RAPGEF4: variants seen among roughly 807,000 people sequenced by gnomAD.
The protein encoded by RAPGEF4 is RAP guanine-nucleotide-exchange factor (GEF) 4.
A neutral mutation model predicts 147.9 loss-of-function variants in RAPGEF4; 66 were observed. The observed-to-expected ratio is 0.45, with a 90% confidence interval of 0.37 to 0.55. RAPGEF4 has a LOEUF of 0.55. RAPGEF4 is among the 20% of genes least tolerant of loss of function. The probability of loss-of-function intolerance (pLI) is 0.00; values close to 1 mark genes in which losing one functional copy is unlikely to be tolerated. For synonymous variants in RAPGEF4, 419 were observed against 442.7 expected (o/e 0.95, Z 0.67); for missense variants, 1,071 against 1,257.3 (o/e 0.85, Z 2.24).
At position 172,797,552 on chromosome 2, in the gene RAPGEF4, A is replaced by G; in HGVS notation, c.236A>G (p.Asn79Ser). 1.2e-6 allele frequency: 2 copies of G among 1,613,744 alleles called. No individual in the cohort carries two copies. The highest frequency in any genetic ancestry group is 1.1e-5 in the South Asian group (1 of 90,922). ...TTTCGCCAGGGTGATATTGGAACAA[A>G]CTGGTATGCTGTCCTGGCAGGGTCT... ...TLFRQGDIGTNWYAVLAGSLD... is the reference protein window; with the variant it reads ...TLFRQGDIGTSWYAVLAGSLD... The change falls in exon 3 of 31, where the codon AAC becomes AGC. Residue 79 changes from asparagine (N) to serine (S), a missense_variant. Asn to Ser is a conservative substitution (Grantham distance 46). Coordinates refer to ENST00000397081, the MANE Select transcript of RAPGEF4 (RefSeq NM_007023.4).
intron 23 of RAPGEF4, among the ~76,000 whole-genome samples, chr2:173,022,775 T>C (rs926487543): frequency 2.6e-5 from 4 of 152,236 alleles, no homozygotes; most frequent in Non-Finnish European, 5.9e-5. Flanking sequence ...TGGTCTATAA[T>C]AGAATCAGTA....
At chr2:172,836,771 A>G (rs1394187473) in intron 4 of RAPGEF4, among the ~76,000 whole-genome samples, 1 of 152,232 alleles carries the variant, frequency 6.6e-6, no homozygotes, top group African/African-American at 2.4e-5. Context: ...AGCATCCTCA[A>G]CACTAGTCAT....
At chr2:172,906,259 T>C (rs1464257332) in intron 4 of RAPGEF4, among the ~76,000 whole-genome samples, 3 of 152,184 alleles carry the variant, frequency 2.0e-5, no homozygotes, top group African/African-American at 7.2e-5. Context: ...AGCTTTAGTA[T>C]ATTGGGAGAA....
intron 19 of RAPGEF4, 129 bp downstream of exon 19, chr2:173,016,566 G>T (rs1695528657): frequency 2.8e-6 from 2 of 716,162 alleles, no homozygotes; most frequent in Non-Finnish European, 4.8e-6. Context: ...AAGCAGACTG[G>T]GCTGAGGGCA....
chr2:172,864,656 C>A (rs1345542427), intron 4 of RAPGEF4, among the ~76,000 whole-genome samples: 1 of 152,234 alleles, frequency 6.6e-6, no homozygotes, highest in African/African-American at 2.4e-5. Context: ...GTAATCCCTG[C>A]ACTTTGGGAG....
intron 4 of RAPGEF4, among the ~76,000 whole-genome samples, chr2:172,872,536 T>C (rs1427527923): frequency 6.6e-6 from 1 of 152,124 alleles, no homozygotes; most frequent in Admixed American, 6.6e-5. Flanking sequence ...CCCTACTTGT[T>C]GGGGGAAGGG....
At chr2:172,960,714 G>C in intron 6 of RAPGEF4, 46 bp from the exon 7 acceptor site, 3 of 1,437,520 alleles carry the variant, frequency 2.1e-6, no homozygotes, top group Non-Finnish European at 1.9e-6. Flanking sequence ...TTTCTTCAGT[G>C]AACTTTTTGT....
intron 6 of RAPGEF4, among the ~76,000 whole-genome samples, chr2:172,955,737 C>T (rs1233948792): frequency 6.6e-6 from 1 of 152,198 alleles, no homozygotes; most frequent in East Asian, 1.9e-4. Context: ...GCAGCCCCTA[C>T]TCTGTGCCGT....
chr2:172,836,923 G>A (rs1279242360), intron 4 of RAPGEF4, among the ~76,000 whole-genome samples: 1 of 152,230 alleles, frequency 6.6e-6, no homozygotes, highest in Non-Finnish European at 1.5e-5. Context: ...TATTCAGAGT[G>A]AGAGATTTGT....
intron 4 of RAPGEF4, among the ~76,000 whole-genome samples, chr2:172,824,196 C>G (rs1689417489): frequency 6.6e-6 from 1 of 152,206 alleles, no homozygotes; most frequent in Non-Finnish European, 1.5e-5. Flanking sequence ...GTTCTTAAAA[C>G]TGGTTTCACG....
chr2:172,755,636 T>C (rs1405667479), intron 1 of RAPGEF4, among the ~76,000 whole-genome samples: 1 of 152,160 alleles, frequency 6.6e-6, no homozygotes, highest in Non-Finnish European at 1.5e-5. Context: ...CCTCAGGTGA[T>C]CTGCCCACCT....
chr2:172,844,648 C>G (rs1232680993), intron 4 of RAPGEF4, among the ~76,000 whole-genome samples: 3 of 152,136 alleles, frequency 2.0e-5, no homozygotes, highest in Non-Finnish European at 4.4e-5. Flanking sequence ...CACAGTGTGT[C>G]CCTGTGATTT....
intron 6 of RAPGEF4, among the ~76,000 whole-genome samples, chr2:172,925,962 GA>G (rs1346192374): frequency 6.5e-5 from 8 of 123,174 alleles, no homozygotes; most frequent in Admixed American, 3.3e-4. Context: ...GGGGGAGGGG[GA>G]GGGGGGACAG....
At chr2:172,920,719 T>A (rs1319742373) in intron 5 of RAPGEF4, among the ~76,000 whole-genome samples, 1 of 152,204 alleles carries the variant, frequency 6.6e-6, no homozygotes, top group Non-Finnish European at 1.5e-5. Flanking sequence ...TTTGTGCAAC[T>A]GTGTATTTAT....
intron 4 of RAPGEF4, among the ~76,000 whole-genome samples, chr2:172,819,596 G>C (rs1220936843): frequency 7.6e-5 from 11 of 145,506 alleles, no homozygotes; most frequent in Admixed American, 2.1e-4. Context: ...CTCCCAAGTA[G>C]CTGGGACTAC....
chr2:172,849,390 A>G (rs1317712827), intron 4 of RAPGEF4, among the ~76,000 whole-genome samples: 1 of 152,254 alleles, frequency 6.6e-6, no homozygotes, highest in Non-Finnish European at 1.5e-5. Flanking sequence ...TCTCTGAATG[A>G]TGTGGCCAGA....
intron 1 of RAPGEF4, among the ~76,000 whole-genome samples, chr2:172,785,528 C>G (rs1475483216): frequency 6.6e-6 from 1 of 152,072 alleles, no homozygotes; most frequent in Non-Finnish European, 1.5e-5. Context: ...CTTTGCAATG[C>G]TAAATTACTG....
At chr2:173,045,357 A>T (rs1685331732) in intron 29 of RAPGEF4, among the ~76,000 whole-genome samples, 1 of 152,238 alleles carries the variant, frequency 6.6e-6, no homozygotes, top group African/African-American at 2.4e-5. Flanking sequence ...CAAGGAAAGA[A>T]GAAAGATCAT....
In RAPGEF4 at chr2:172,904,342, C is replaced by G. The variant is rs141522430; in HGVS notation, c.445-13460C>G. The stretch of plus-strand genomic sequence containing the variant: ...GTTCTTAGTCCCATTTATATGTTCA[C>G]TGGACTGTAGTAGATTCAGACTTAG... On this transcript the variant is annotated intron_variant, in intron 4 of 30. Transcript: ENST00000397081. Among the ~76,000 whole-genome samples the G allele has an allele frequency of 4.0e-3, 609 of 152,326 alleles. 3 individuals are homozygous for G. The highest frequency in any genetic ancestry group is 6.7e-3 in the Non-Finnish European group (459 of 68,032).
Sources: allele counts gnomAD v4.1 joint callset (sites outside exome capture counted in the v4.1 genomes callset), GRCh38; gene constraint gnomAD v4.1.1; transcripts MANE v1.5; gene names NCBI Gene and HGNC (gene_info 2026-07-23, HGNC 2026-07-21).